Variants in SMAD9 observed in about 807,000 individuals in gnomAD.
SMAD9 encodes the protein MAD homolog 9.
SMAD9 carries 36 observed loss-of-function variants against 46.1 expected under a neutral mutation model. The ratio of observed to expected loss-of-function variants is 0.78; its 90% CI spans 0.60 to 1.03. The LOEUF (loss-of-function observed/expected upper bound fraction) is 1.03, where lower values mean the gene tolerates loss of function less well. Ranked by LOEUF, SMAD9 falls within the 50% of genes least tolerant of loss-of-function variation. The probability of loss-of-function intolerance (pLI) is 0.00; values close to 1 mark genes in which losing one functional copy is unlikely to be tolerated. For missense variants in SMAD9, 572 were observed against 599.8 expected, an observed-to-expected ratio of 0.95 and a Z score of 0.48; for synonymous variants, 245 against 237.1, an observed-to-expected ratio of 1.03 and a Z score of -0.31.
chr13:36,854,844 GT>G (rs758505868), intron 5 of SMAD9, among the ~76,000 whole-genome samples: 1 of 152,090 alleles, frequency 6.6e-6, no homozygotes, highest in Non-Finnish European at 1.5e-5. Context: ...AATTAAATTT[GT>G]CATCCACTAA....
intron 2 of SMAD9, among the ~76,000 whole-genome samples, chr13:36,874,866 A>G (rs1338244950): frequency 7.0e-6 from 1 of 142,892 alleles, no homozygotes; most frequent in African/African-American, 2.5e-5. Context: ...AAAAAAAAAA[A>G]AAAAAAAAAA....
At chr13:36,864,883 C>T (rs531094003) in intron 5 of SMAD9, among the ~76,000 whole-genome samples, 80 of 152,262 alleles carry the variant, frequency 5.3e-4, no homozygotes, top group African/African-American at 1.0e-3. Flanking sequence ...TGGTATCAAT[C>T]GAAGATACCA....
chr13:36,913,428 A>T (rs2058676243), intron 1 of SMAD9, among the ~76,000 whole-genome samples: 1 of 152,196 alleles, frequency 6.6e-6, no homozygotes, highest in South Asian at 2.1e-4. Context: ...ATCCTATACA[A>T]GCCCCATAAA....
chr13:36,879,141 A>C, intron 2 of SMAD9, 137 bp downstream of exon 2: 1 of 784,618 alleles, frequency 1.3e-6, no homozygotes, highest in Non-Finnish European at 2.0e-6. Flanking sequence ...GTCCCTCAAA[A>C]CTGAACCTCC....
intron 1 of SMAD9, among the ~76,000 whole-genome samples, chr13:36,908,802 C>A (rs1446342294): frequency 6.6e-6 from 1 of 152,194 alleles, no homozygotes; most frequent in Non-Finnish European, 1.5e-5. Flanking sequence ...CACAATCTCA[C>A]TGTAAAATCA....
intron 1 of SMAD9, among the ~76,000 whole-genome samples, chr13:36,906,190 T>G (rs1026232997): frequency 3.3e-5 from 5 of 152,206 alleles, no homozygotes; most frequent in African/African-American, 1.2e-4. Context: ...CACACTGGAC[T>G]GTTATCTCTT....
chr13:36,892,389 G>A (rs2058495140), intron 1 of SMAD9, among the ~76,000 whole-genome samples: 1 of 152,154 alleles, frequency 6.6e-6, no homozygotes, highest in Non-Finnish European at 1.5e-5. Flanking sequence ...ACCCTAGCAA[G>A]TGCAAAGAAA....
Position 36,911,992 on chromosome 13 carries a change from G to A in SMAD9, c.-187+8124C>T, listed in dbSNP as rs186164063. On this transcript the variant is annotated intron_variant, in intron 1 of 6. Transcript: ENST00000379826. The stretch of plus-strand genomic sequence containing the variant: ...CGAAGTGCTGGGATTGCAGGTGTGA[G>A]CCACCGCACCCAGTCGGGGAAGCTC... Among the ~76,000 whole-genome samples the A allele has an allele frequency of 5.2e-3, 787 of 152,276 alleles. 19 individuals are homozygous for A. Among genetic ancestry groups the A allele is most frequent in the Admixed American group, 0.041 (628 of 15,304 alleles).
At chr13:36,867,505 G>T in intron 3 of SMAD9, 122 bp from the exon 4 acceptor site, 1 of 594,140 alleles carries the variant, frequency 1.7e-6, no homozygotes, top group African/African-American at 1.9e-5. Context: ...CCTACAGAGA[G>T]ACCATATTAA....
chr13:36,859,608 ACC>A (rs2138335384), intron 5 of SMAD9, among the ~76,000 whole-genome samples: 1 of 152,304 alleles, frequency 6.6e-6, no homozygotes, highest in Non-Finnish European at 1.5e-5. Context: ...TCAGGAAGTT[ACC>A]CTATATGGTC....
intron 1 of SMAD9, among the ~76,000 whole-genome samples, chr13:36,901,352 T>C (rs183353279): frequency 0.023 from 3,469 of 152,126 alleles, 127 homozygotes; most frequent in African/African-American, 0.079. Context: ...TTTTCACTGT[T>C]TCTGTTTTTA....
chr13:36,879,280 G>A lies in SMAD9; in HGVS notation c.410C>T (p.Pro137Leu). 6.2e-7 allele frequency: 1 copy of A among 1,613,826 alleles called. No homozygotes were observed. The highest frequency in any genetic ancestry group is 8.5e-7 in the Non-Finnish European group (1 of 1,179,872). ...NPYHYRRVET[P>L]VLPPVLVPRH... ...TTGACGTCGTAAAGACGACCCACCT[G>A]GAGTCTCCACCCGGCGGTAGTGGTA... Residue 137 changes from proline to leucine, a missense_variant and splice_region_variant, in exon 2 of 7, where the codon CCA (proline) becomes CTA (leucine). Coordinates refer to ENST00000379826, the MANE Select transcript of SMAD9 (RefSeq NM_001127217.3).
At chr13:36,887,644 T>C (rs2058458284) in intron 1 of SMAD9, among the ~76,000 whole-genome samples, 1 of 152,046 alleles carries the variant, frequency 6.6e-6, no homozygotes, top group Non-Finnish European at 1.5e-5. Context: ...GCAGAGGTGG[T>C]AGTTACTAGG....
intron 1 of SMAD9, among the ~76,000 whole-genome samples, chr13:36,888,330 T>C (rs551570262): frequency 6.0e-4 from 92 of 152,274 alleles, no homozygotes; most frequent in African/African-American, 2.2e-3. Flanking sequence ...CCTTCTCTCT[T>C]TCCCTCCTGC....
Position 36,867,264 on chromosome 13 carries a change from G to T in SMAD9, c.781+9C>A. 1 of 1,498,530 alleles carries T rather than the reference G, an allele frequency of 6.7e-7. No homozygotes were observed. Among genetic ancestry groups the T allele is most frequent in the Non-Finnish European group, 9.1e-7 (1 of 1,098,586 alleles). The allele number at this position is 1,498,530 out of a possible 1,614,324, so 92.8% of individuals were successfully genotyped here. A position where few individuals can be genotyped will look rare whatever the true frequency, so the allele number is the denominator to read the frequency against. On this transcript the variant is annotated intron_variant, in intron 4 of 6. Coordinates refer to ENST00000379826, the MANE Select transcript of SMAD9 (RefSeq NM_001127217.3). ...AATAGCTACATTTCACTGTTCATCT[G>T]CAATTTACCTCCATTTGGTATCGAT...
In SMAD9 at chr13:36,855,989, T is replaced by TA. The variant is rs142298158; in HGVS notation, c.1004-2315dup. 3.6e-3 allele frequency among the ~76,000 whole-genome samples: 552 copies of TA among 152,304 alleles called. 2 individuals carry two copies. The highest frequency in any genetic ancestry group is 0.012 in the African/African-American group (505 of 41,566). ...TCTCCCTCCTCTATCTCATCGCTGT[T>TA]ACCCACTCTCCTGAATGGCCTTGGG... On this transcript the variant is annotated intron_variant, in intron 5 of 6. Coordinates refer to ENST00000379826, the MANE Select transcript of SMAD9 (RefSeq NM_001127217.3).
chr13:36,873,000 T>A, intron 2 of SMAD9, 85 bp from the exon 3 acceptor site: 1 of 1,503,942 alleles, frequency 6.6e-7, no homozygotes. Flanking sequence ...TTCTTATCTA[T>A]TTTTTGTTTA....
At chr13:36,875,854 A>G (rs1344277776) in intron 2 of SMAD9, among the ~76,000 whole-genome samples, 1 of 152,190 alleles carries the variant, frequency 6.6e-6, no homozygotes, top group Non-Finnish European at 1.5e-5. Context: ...CACCAAGAGA[A>G]AAGAAAGGAT....
At chr13:36,906,740 C>T (rs1294469483) in intron 1 of SMAD9, among the ~76,000 whole-genome samples, 1 of 152,068 alleles carries the variant, frequency 6.6e-6, no homozygotes, top group Non-Finnish European at 1.5e-5. Flanking sequence ...GTTAACAAAA[C>T]AGAAAATAAC....
Sources: gnomAD v4.1 joint callset for allele counts (sites outside exome capture counted in the v4.1 genomes callset) on GRCh38, gnomAD v4.1.1 for gene constraint, MANE v1.5 for transcripts, NCBI Gene and HGNC (gene_info 2026-07-23, HGNC 2026-07-21) for gene names.